The following PLCXD3 variants were observed in gnomAD, a reference collection of about 807,000 sequenced individuals.
PLCXD3 encodes the protein phosphatidylinositol specific phospholipase C X domain containing 3, also known as PI-PLC X domain-containing protein 3.
PLCXD3 carries 19 observed loss-of-function variants against 25.5 expected under a neutral mutation model. The observed-to-expected ratio is 0.75, with a 90% CI of 0.52 to 1.09. The LOEUF is 1.09. Among genes scored for constraint, PLCXD3 ranks in the 50% least tolerant of loss-of-function variants. PLCXD3 has a pLI of 0.00. For synonymous variants in PLCXD3, 174 were observed against 137.6 expected, an observed-to-expected ratio of 1.26 and a Z score of -1.85; for missense variants, 411 against 388.1, an observed-to-expected ratio of 1.06 and a Z score of -0.50.
rs903042820 is a variant in PLCXD3 at position 41,308,229 on chromosome 5, T to C, written c.*5388A>G. The C allele has an allele frequency of 3.3e-5, 5 of 152,082 alleles. No homozygotes were observed. Among genetic ancestry groups the C allele is most frequent in the Non-Finnish European group, 7.4e-5 (5 of 68,002 alleles). The allele number at this position is 152,082 out of a possible 1,614,324, so 9.4% of individuals were successfully genotyped here. A position where few individuals can be genotyped will look rare whatever the true frequency, so the allele number is the denominator to read the frequency against. ...AGGCAGTGTGGATAGAATTGTGAGATTTAGGAAAAAATATATAGGACATAC... is the reference window on the plus strand; with the variant it reads ...AGGCAGTGTGGATAGAATTGTGAGACTTAGGAAAAAATATATAGGACATAC... On this transcript the variant is annotated 3_prime_UTR_variant, in exon 3 of 3. Coordinates refer to ENST00000377801, the MANE Select transcript of PLCXD3 (RefSeq NM_001005473.3).
At chr5:41,497,358 A>T (rs1179846230) in intron 1 of PLCXD3, among the ~76,000 whole-genome samples, 1 of 151,928 alleles carries the variant, frequency 6.6e-6, no homozygotes, top group Non-Finnish European at 1.5e-5. Context: ...GCAAATGGTA[A>T]CCAAAAGAGA....
chr5:41,335,736 G>A (rs1380229638), intron 2 of PLCXD3, among the ~76,000 whole-genome samples: 1 of 152,028 alleles, frequency 6.6e-6, no homozygotes, highest in East Asian at 1.9e-4. Flanking sequence ...CATTTGTTGG[G>A]GTGGATACAG....
At chr5:41,483,419 G>A (rs1748455140) in intron 1 of PLCXD3, among the ~76,000 whole-genome samples, 1 of 152,144 alleles carries the variant, frequency 6.6e-6, no homozygotes, top group Admixed American at 6.5e-5. Context: ...GATTTAGCAA[G>A]TTATTGAATG....
intron 1 of PLCXD3, among the ~76,000 whole-genome samples, chr5:41,468,924 A>C (rs923747897): frequency 2.0e-5 from 3 of 152,178 alleles, no homozygotes; most frequent in African/African-American, 7.2e-5. Context: ...GTTGAAAAGA[A>C]GTGTTGAAGA....
rs148986625 is a variant in PLCXD3, at chr5:41,438,880, C to T, written c.104-56346G>A. Among the ~76,000 whole-genome samples, 242 of 150,978 alleles carry T rather than the reference C, an allele frequency of 1.6e-3. 2 individuals carry two copies. The highest frequency in any genetic ancestry group is 0.014 in the Middle Eastern group (4 of 284). On this transcript the variant is annotated intron_variant, in intron 1 of 2. Transcript: ENST00000377801. ...TAAAAAAGCTAAGCGAACAGCCAAA[C>T]GTTTCTCTCTGTGGAAAAGAGTTAA...
intron 2 of PLCXD3, among the ~76,000 whole-genome samples, chr5:41,341,300 C>G (rs1206013924): frequency 6.6e-6 from 1 of 152,196 alleles, no homozygotes; most frequent in Non-Finnish European, 1.5e-5. Flanking sequence ...TCCTAGCTGA[C>G]TCTGCGAAGT....
At chr5:41,412,673 G>A (rs546631279) in intron 1 of PLCXD3, among the ~76,000 whole-genome samples, 1 of 152,208 alleles carries the variant, frequency 6.6e-6, no homozygotes, top group South Asian at 2.1e-4. Flanking sequence ...CAGCCTTAAT[G>A]TCTCACATCT....
intron 1 of PLCXD3, among the ~76,000 whole-genome samples, chr5:41,419,892 T>C (rs555066651): frequency 1.3e-5 from 2 of 152,316 alleles, no homozygotes; most frequent in African/African-American, 2.4e-5. Context: ...TTAATTATTA[T>C]GATTATGATT....
chr5:41,407,373 T>C (rs933593806), intron 1 of PLCXD3, among the ~76,000 whole-genome samples: 13 of 152,160 alleles, frequency 8.5e-5, no homozygotes, highest in Admixed American at 6.5e-5. Context: ...TACATGATGA[T>C]CAACATGACA....
chr5:41,414,644 G>A lies in PLCXD3; in HGVS notation c.104-32110C>T, dbSNP rs910720060. ...ACCCTTATTTGCAGTTTTGCCTTCCGCAATTTCAGTTACCCATGCTCAATC... is the reference window on the plus strand; with the variant it reads ...ACCCTTATTTGCAGTTTTGCCTTCCACAATTTCAGTTACCCATGCTCAATC... On this transcript the variant is annotated intron_variant, in intron 1 of 2. Transcript: ENST00000377801. 1.2e-4 allele frequency among the ~76,000 whole-genome samples: 19 copies of A among 152,236 alleles called. No individual in the cohort carries two copies. In the South Asian group the frequency reaches 1.9e-3, roughly 15 times the overall value.
intron 1 of PLCXD3, among the ~76,000 whole-genome samples, chr5:41,397,945 C>T (rs2150498654): frequency 6.6e-6 from 1 of 152,282 alleles, no homozygotes; most frequent in South Asian, 2.1e-4. Context: ...TTATCCAATG[C>T]CTATTGCATC....
At chr5:41,325,528 T>C (rs1220464247) in intron 2 of PLCXD3, among the ~76,000 whole-genome samples, 1 of 152,218 alleles carries the variant, frequency 6.6e-6, no homozygotes, top group Non-Finnish European at 1.5e-5. Context: ...ACTACAGATA[T>C]ATTGTATAAC....
intron 1 of PLCXD3, among the ~76,000 whole-genome samples, chr5:41,448,815 G>A (rs1747563510): frequency 6.6e-6 from 1 of 152,098 alleles, no homozygotes; most frequent in Admixed American, 6.5e-5. Flanking sequence ...CAACAACAAA[G>A]AAAGATAATA....
At chr5:41,384,080 C>T (rs1745565777) in intron 1 of PLCXD3, among the ~76,000 whole-genome samples, 1 of 152,002 alleles carries the variant, frequency 6.6e-6, no homozygotes, top group African/African-American at 2.4e-5. Flanking sequence ...GATAAGTTCT[C>T]AGAATGATTT....
At chr5:41,483,927 T>C (rs1748464078) in intron 1 of PLCXD3, among the ~76,000 whole-genome samples, 1 of 152,170 alleles carries the variant, frequency 6.6e-6, no homozygotes, top group Non-Finnish European at 1.5e-5. Context: ...CTAATTTTAC[T>C]GATCTTGGTA....
At chr5:41,333,675 A>G (rs964379131) in intron 2 of PLCXD3, among the ~76,000 whole-genome samples, 1 of 151,986 alleles carries the variant, frequency 6.6e-6, no homozygotes, top group Non-Finnish European at 1.5e-5. Context: ...TAATTAAGTC[A>G]TATGAATTAT....
chr5:41,394,161 T>C (rs184097029), intron 1 of PLCXD3, among the ~76,000 whole-genome samples: 186 of 152,246 alleles, frequency 1.2e-3, no homozygotes, highest in African/African-American at 2.2e-3. Flanking sequence ...AAAGTTAAAA[T>C]AGAGTTTTTA....
At chr5:41,374,688 G>C (rs1012780304) in intron 2 of PLCXD3, among the ~76,000 whole-genome samples, 5 of 152,048 alleles carry the variant, frequency 3.3e-5, no homozygotes, top group Non-Finnish European at 7.4e-5. Context: ...TGGAACACTG[G>C]CTTTCCATAG....
At chr5:41,381,128 A>G (rs944950057) in intron 2 of PLCXD3, among the ~76,000 whole-genome samples, 8 of 152,142 alleles carry the variant, frequency 5.3e-5, no homozygotes, top group African/African-American at 1.9e-4. Context: ...AATCTGTAAG[A>G]CAATATCTAC....
Sources: gnomAD v4.1 joint callset for allele counts (sites outside exome capture counted in the v4.1 genomes callset) on GRCh38, gnomAD v4.1.1 for gene constraint, MANE v1.5 for transcripts, NCBI Gene and HGNC (gene_info 2026-07-23, HGNC 2026-07-21) for gene names.